GTF2E2: variants seen among roughly 807,000 people sequenced by gnomAD.
GTF2E2 encodes transcription initiation factor IIE subunit beta.
A neutral mutation model predicts 40.5 loss-of-function variants in GTF2E2; 21 were observed. The observed-to-expected ratio is 0.52, with a 90% confidence interval of 0.37 to 0.75. GTF2E2 has a LOEUF of 0.75. GTF2E2 is among the 30% of genes least tolerant of loss of function. The pLI, the probability that GTF2E2 is intolerant of heterozygous loss-of-function variation, is 0.00. For missense variants in GTF2E2, 298 were observed against 338.4 expected (o/e 0.88, Z 0.94); for synonymous variants, 117 against 121.6 (o/e 0.96, Z 0.25).
At chr8:30,595,021 C>T (rs1412264353) in intron 6 of GTF2E2, among the ~76,000 whole-genome samples, 3 of 152,128 alleles carry the variant, frequency 2.0e-5, no homozygotes, top group Admixed American at 6.5e-5. Context: ...TTGTGTTTTC[C>T]TTCTGTCTCC....
At chr8:30,615,564 AG>A (rs1332961447) in intron 3 of GTF2E2, among the ~76,000 whole-genome samples, 1 of 152,198 alleles carries the variant, frequency 6.6e-6, no homozygotes, top group East Asian at 1.9e-4. Context: ...TAAATGTAAA[AG>A]TTCTCTATGT....
chr8:30,639,145 ATTTT>A (rs1309347011), intron 2 of GTF2E2, among the ~76,000 whole-genome samples: 1 of 152,172 alleles, frequency 6.6e-6, no homozygotes, highest in African/African-American at 2.4e-5. Context: ...GTTCAAAATT[ATTTT>A]TATTTTGCTT....
At chr8:30,579,370 G>A (rs913035914) in intron 7 of GTF2E2, among the ~76,000 whole-genome samples, 10 of 152,184 alleles carry the variant, frequency 6.6e-5, no homozygotes, top group African/African-American at 1.4e-4. Flanking sequence ...CACCATTACC[G>A]ATTTTAAAAA....
intron 3 of GTF2E2, among the ~76,000 whole-genome samples, chr8:30,634,320 T>G (rs1052517362): frequency 2.6e-5 from 4 of 152,044 alleles, no homozygotes; most frequent in African/African-American, 7.2e-5. Context: ...TGGTGGTGCA[T>G]GCCTGTAGTC....
rs138184097 is a variant in GTF2E2, at chr8:30,633,799, G to A, written c.258+1233C>T. Among the ~76,000 whole-genome samples, 177 of 152,224 alleles carry A rather than the reference G, an allele frequency of 1.2e-3. 1 individual carries two copies. The highest frequency in any genetic ancestry group is 3.9e-3 in the African/African-American group (162 of 41,550). The stretch of plus-strand genomic sequence containing the variant: ...CTGCTTACCATGTGGGGGAATAAAT[G>A]GATGAAATGAATCAACAGTGAATAC... On this transcript the variant is annotated intron_variant, in intron 3 of 7. Coordinates refer to ENST00000355904, the MANE Select transcript of GTF2E2 (RefSeq NM_002095.6).
In GTF2E2 at chr8:30,607,122, T is replaced by C. The variant is rs772048330; in HGVS notation, c.578A>G (p.Asn193Ser). The change falls in exon 6 of 8, where the codon AAT (asparagine) becomes AGT (serine). Residue 193 changes from asparagine (N) to serine (S), a missense_variant. By Grantham distance (46) the Asn-to-Ser change is conservative. Coordinates refer to ENST00000355904, the MANE Select transcript of GTF2E2 (RefSeq NM_002095.6). ...KALGDQILFV[N>S]RPDKKKILFF... The stretch of plus-strand genomic sequence containing the variant: ...AAGTATTTTCTTCTTATCGGGACGA[T>C]TTACAAATAGTATCTGGTCCCCCAA... The C allele has an allele frequency of 6.8e-7, 1 of 1,467,624 alleles. No homozygotes were observed. Among genetic ancestry groups the C allele is most frequent in the Non-Finnish European group, 9.4e-7 (1 of 1,060,144 alleles). 90.9% of individuals were successfully genotyped at this position (1,467,624 alleles called of 1,614,324 possible).
intron 6 of GTF2E2, among the ~76,000 whole-genome samples, chr8:30,603,207 A>G (rs998351798): frequency 1.4e-4 from 21 of 152,338 alleles, no homozygotes; most frequent in African/African-American, 5.1e-4. Flanking sequence ...ACATTAATAA[A>G]CTGTAACAAA....
intron 6 of GTF2E2, among the ~76,000 whole-genome samples, chr8:30,588,391 T>C (rs1262480837): frequency 1.3e-5 from 2 of 152,148 alleles, no homozygotes. Context: ...TCTATTAGCC[T>C]TAAAAAAGAA....
chr8:30,597,575 G>A (rs1328524484), intron 6 of GTF2E2: 1 of 152,206 alleles, frequency 6.6e-6, no homozygotes, highest in East Asian at 1.9e-4. Context: ...AGGTAAACAA[G>A]TGCTCAGGTC....
chr8:30,608,463 C>T (rs1446229392), intron 5 of GTF2E2, among the ~76,000 whole-genome samples: 1 of 152,122 alleles, frequency 6.6e-6, no homozygotes, highest in Non-Finnish European at 1.5e-5. Flanking sequence ...GTGTTAAATT[C>T]TTACTAAAAT....
chr8:30,616,494 G>C (rs1295703691), intron 3 of GTF2E2, among the ~76,000 whole-genome samples: 2 of 52,202 alleles, frequency 3.8e-5, no homozygotes, highest in African/African-American at 3.4e-4. Flanking sequence ...GCTGCCAAGG[G>C]TTGAGGGGAG....
At chr8:30,592,356 T>TA in intron 6 of GTF2E2, among the ~76,000 whole-genome samples, 1 of 152,124 alleles carries the variant, frequency 6.6e-6, no homozygotes, top group African/African-American at 2.4e-5. Context: ...CTCCAGCCTA[T>TA]ACAGTGAGAC....
intron 3 of GTF2E2, among the ~76,000 whole-genome samples, chr8:30,617,653 G>GT (rs769641172): frequency 6.6e-5 from 10 of 151,740 alleles, no homozygotes; most frequent in Non-Finnish European, 1.0e-4. Context: ...TTGGCAGGCT[G>GT]TAACGACTGC....
intron 6 of GTF2E2, among the ~76,000 whole-genome samples, chr8:30,605,969 T>C (rs1030978772): frequency 1.1e-4 from 16 of 152,158 alleles, no homozygotes; most frequent in Admixed American, 6.5e-4. Flanking sequence ...CCTTAAATGT[T>C]TTCAAAAGCA....
intron 3 of GTF2E2, among the ~76,000 whole-genome samples, chr8:30,630,577 TC>T (rs1438453921): frequency 1.3e-5 from 2 of 152,092 alleles, no homozygotes; most frequent in Non-Finnish European, 2.9e-5. Flanking sequence ...ATGTACTTCT[TC>T]CCTTTCAAAA....
chr8:30,579,483 A>C (rs1278100253), intron 7 of GTF2E2, among the ~76,000 whole-genome samples: 1 of 152,210 alleles, frequency 6.6e-6, no homozygotes, highest in Admixed American at 6.5e-5. Flanking sequence ...GCATCACATG[A>C]TGAAAAAAAT....
At chr8:30,611,153 G>A (rs970056546) in intron 5 of GTF2E2, among the ~76,000 whole-genome samples, 1 of 152,176 alleles carries the variant, frequency 6.6e-6, no homozygotes, top group Non-Finnish European at 1.5e-5. Flanking sequence ...CATATCATAT[G>A]CTACCTGCTG....
chr8:30,610,082 C>A (rs946662223), intron 5 of GTF2E2, among the ~76,000 whole-genome samples: 11 of 152,098 alleles, frequency 7.2e-5, no homozygotes, highest in African/African-American at 2.7e-4. Context: ...TAATACATAG[C>A]CAAAACAATC....
intron 3 of GTF2E2, among the ~76,000 whole-genome samples, chr8:30,615,041 A>G (rs1800874482): frequency 6.6e-6 from 1 of 151,836 alleles, no homozygotes; most frequent in South Asian, 2.1e-4. Flanking sequence ...ACTCTGGGGG[A>G]CTAAGGCAGG....
Sources: allele counts gnomAD v4.1 joint callset (sites outside exome capture counted in the v4.1 genomes callset), GRCh38; gene constraint gnomAD v4.1.1; transcripts MANE v1.5; gene names NCBI Gene and HGNC (gene_info 2026-07-23, HGNC 2026-07-21).